EPHA6: variants seen among roughly 807,000 people sequenced by gnomAD.
The protein encoded by EPHA6 is EPH receptor A6, also known as ephrin type-A receptor 6.
In EPHA6, 50 loss-of-function variants were observed where a neutral mutation model predicts 112.0. That is an observed-to-expected ratio of 0.45 (90% CI 0.36 to 0.56). The LOEUF (loss-of-function observed/expected upper bound fraction) is 0.56. Among genes scored for constraint, EPHA6 ranks in the 20% least tolerant of loss-of-function variants. The pLI is 0.00. For synonymous variants in EPHA6, 529 were observed against 490.7 expected (o/e 1.08, Z -1.03); for missense variants, 1,280 against 1,417.4 (o/e 0.90, Z 1.56).
At chr3:97,715,792 C>A (rs1417585818) in intron 14 of EPHA6, among the ~76,000 whole-genome samples, 1 of 152,160 alleles carries the variant, frequency 6.6e-6, no homozygotes, top group African/African-American at 2.4e-5. Flanking sequence ...TTCTTGTTCC[C>A]TCATTAGCAC....
intron 12 of EPHA6, among the ~76,000 whole-genome samples, chr3:97,597,190 G>A (rs2093601986): frequency 6.6e-6 from 1 of 151,890 alleles, no homozygotes; most frequent in Non-Finnish European, 1.5e-5. Flanking sequence ...TTTAGTTATT[G>A]AAGGAATATT....
chr3:97,351,155 A>T (rs950740595), intron 5 of EPHA6, among the ~76,000 whole-genome samples: 3 of 152,208 alleles, frequency 2.0e-5, no homozygotes, highest in African/African-American at 7.2e-5. Flanking sequence ...GTTCACGCCA[A>T]AGTGCAATTT....
chr3:97,619,639 C>T (rs1365788222), intron 13 of EPHA6, among the ~76,000 whole-genome samples: 1 of 151,842 alleles, frequency 6.6e-6, no homozygotes, highest in Non-Finnish European at 1.5e-5. Context: ...AGGCCAATAG[C>T]CAAATCACAA....
At chr3:97,211,615 T>C (rs1188909240) in intron 3 of EPHA6, among the ~76,000 whole-genome samples, 1 of 152,284 alleles carries the variant, frequency 6.6e-6, no homozygotes, top group East Asian at 1.9e-4. Context: ...ATAAGGGCAC[T>C]AATCCCATTT....
rs1314531251 is a variant in EPHA6, at chr3:97,451,809, A to G, written c.1894+3079A>G. On this transcript the variant is annotated intron_variant, in intron 7 of 17. Transcript: ENST00000389672. Reference sequence around the variant, plus strand: ...TTAAATTTTATAGCCTTTGTTTCTCAAGTAGTGCCTGAATTATTGTAATGT... The same window carrying G: ...TTAAATTTTATAGCCTTTGTTTCTCGAGTAGTGCCTGAATTATTGTAATGT... Among the ~76,000 whole-genome samples, 3 of 151,752 alleles carry G rather than the reference A, an allele frequency of 2.0e-5. No individual in the cohort carries two copies. The East Asian group carries it at 5.8e-4, about 29-fold the overall frequency.
At chr3:97,655,491 T>G (rs1271515958) in intron 14 of EPHA6, among the ~76,000 whole-genome samples, 1 of 151,876 alleles carries the variant, frequency 6.6e-6, no homozygotes, top group Non-Finnish European at 1.5e-5. Flanking sequence ...TATTCCATGG[T>G]GTATATGTGC....
At chr3:97,413,086 TG>T (rs2087848153) in intron 6 of EPHA6, among the ~76,000 whole-genome samples, 1 of 151,874 alleles carries the variant, frequency 6.6e-6, no homozygotes, top group Non-Finnish European at 1.5e-5. Context: ...TGTTGTAGTT[TG>T]GTGAAAATCA....
chr3:97,271,903 C>T (rs2079895171), intron 5 of EPHA6, among the ~76,000 whole-genome samples: 1 of 152,120 alleles, frequency 6.6e-6, no homozygotes, highest in African/African-American at 2.4e-5. Context: ...CTATCCCCTT[C>T]CATGGTTATC....
chr3:97,627,265 T>G (rs2093865648), intron 13 of EPHA6, among the ~76,000 whole-genome samples: 1 of 151,732 alleles, frequency 6.6e-6, no homozygotes, highest in Non-Finnish European at 1.5e-5. Flanking sequence ...ATTAAAAAAT[T>G]TAGTGGGTAG....
At chr3:97,354,459 C>T (rs1367339161) in intron 5 of EPHA6, among the ~76,000 whole-genome samples, 1 of 151,924 alleles carries the variant, frequency 6.6e-6, no homozygotes, top group Non-Finnish European at 1.5e-5. Flanking sequence ...CTGAAAAATA[C>T]AATTGACATA....
chr3:97,043,353 C>G (rs1355145324), intron 3 of EPHA6, among the ~76,000 whole-genome samples: 1 of 152,106 alleles, frequency 6.6e-6, no homozygotes, highest in African/African-American at 2.4e-5. Flanking sequence ...CTTTCTGGAA[C>G]TTTATAAGGC....
intron 2 of EPHA6, among the ~76,000 whole-genome samples, chr3:96,942,884 T>TTTTA (rs2041051612): frequency 6.6e-6 from 1 of 152,202 alleles, no homozygotes; most frequent in Admixed American, 6.5e-5. Context: ...GACTTTTTTT[T>TTTTA]TTTAACTGAA....
chr3:96,881,809 C>T (rs1238198851), intron 2 of EPHA6, among the ~76,000 whole-genome samples: 1 of 152,132 alleles, frequency 6.6e-6, no homozygotes, highest in Non-Finnish European at 1.5e-5. Context: ...ACAGGCATTC[C>T]AAATGGGAGA....
At chr3:97,158,130 T>C (rs1392859530) in intron 3 of EPHA6, among the ~76,000 whole-genome samples, 2 of 152,212 alleles carry the variant, frequency 1.3e-5, no homozygotes, top group African/African-American at 4.8e-5. Flanking sequence ...AGTCCTGGAA[T>C]GATGTTAACT....
At chr3:97,558,544 T>G (rs528346106) in intron 11 of EPHA6, among the ~76,000 whole-genome samples, 8 of 152,014 alleles carry the variant, frequency 5.3e-5, no homozygotes, top group Non-Finnish European at 8.8e-5. Flanking sequence ...TCTCTATACT[T>G]TCTGCTACAC....
intron 5 of EPHA6, among the ~76,000 whole-genome samples, chr3:97,338,658 C>T (rs758631707): frequency 6.6e-6 from 1 of 152,126 alleles, no homozygotes. Context: ...CATTATATCA[C>T]GTAATTGAGA....
At chr3:97,209,656 A>G (rs2077813444) in intron 3 of EPHA6, among the ~76,000 whole-genome samples, 1 of 152,212 alleles carries the variant, frequency 6.6e-6, no homozygotes, top group South Asian at 2.1e-4. Context: ...TAATTTTTAC[A>G]TTATTTTCCT....
chr3:97,689,157 C>T (rs1238555906), intron 14 of EPHA6, among the ~76,000 whole-genome samples: 1 of 152,156 alleles, frequency 6.6e-6, no homozygotes, highest in African/African-American at 2.4e-5. Context: ...ATAATACCAT[C>T]TGCACCTAAG....
chr3:97,204,389 T>G (rs1480937357), intron 3 of EPHA6, among the ~76,000 whole-genome samples: 1 of 152,076 alleles, frequency 6.6e-6, no homozygotes, highest in Non-Finnish European at 1.5e-5. Flanking sequence ...TTAGAATTAT[T>G]AATTAATTCT....
Sources: allele counts gnomAD v4.1 joint callset (sites outside exome capture counted in the v4.1 genomes callset), GRCh38; gene constraint gnomAD v4.1.1; transcripts MANE v1.5; gene names NCBI Gene and HGNC (gene_info 2026-07-23, HGNC 2026-07-21).